Variants in KIF12 observed in about 807,000 individuals in gnomAD.
KIF12 encodes kinesin-like protein KIF12.
Under a neutral mutation model 87.9 loss-of-function variants are expected in KIF12, and 80 were observed. The observed-to-expected ratio is 0.91, with a 90% CI of 0.76 to 1.10. The LOEUF (loss-of-function observed/expected upper bound fraction) is 1.10. Among genes scored for constraint, KIF12 ranks in the 50% least tolerant of loss-of-function variants. The probability of loss-of-function intolerance (pLI) is 0.00; values close to 1 mark genes in which losing one functional copy is unlikely to be tolerated. For synonymous variants in KIF12, 353 were observed against 348.5 expected (o/e 1.01, Z -0.14); for missense variants, 819 against 865.3 (o/e 0.95, Z 0.67).
chr9:114,096,157 C>G lies in KIF12; in HGVS notation c.789G>C (p.Lys263Asn). The G allele has an allele frequency of 6.2e-7, 1 of 1,614,016 alleles. No individual in the cohort carries two copies. The change falls in exon 9 of 19, where the codon AAG becomes AAC. Residue 263 changes from lysine (K) to asparagine (N), a missense_variant. Physicochemically the swap from Lys to Asn is moderately conservative, Grantham distance 94. Coordinates refer to ENST00000640217, the MANE Select transcript of KIF12 (RefSeq NM_001388308.1). ...TGCCTGCCAGGTCCACAAAGCACAG[C>G]TTCCCACCAACAGGGGGCTCCCCAG... ...VDPGEPPVGG[K>N]LCFVDLAGSE...
At chr9:114,092,133 T>G in intron 18 of KIF12, 133 bp from the exon 19 acceptor site, 2 of 540,790 alleles carry the variant, frequency 3.7e-6, no homozygotes, top group Non-Finnish European at 6.0e-6. Context: ...CCCACCCCCA[T>G]ACACCATGGG....
chr9:114,098,035 A>G (rs1847309112), intron 5 of KIF12, 80 bp downstream of exon 5: 1 of 1,353,380 alleles, frequency 7.4e-7, no homozygotes, highest in East Asian at 2.5e-5. Flanking sequence ...TCCCTCTGGG[A>G]GTCTGCGCCG....
chr9:114,098,890 T>C (rs1365822224), intron 3 of KIF12, 45 bp downstream of exon 3: 5 of 1,533,112 alleles, frequency 3.3e-6, no homozygotes, highest in Non-Finnish European at 4.4e-6. Context: ...GGATCTGGCG[T>C]CCCCGGGATT....
rs760573775 is a variant in KIF12, at chr9:114,098,112, C to T, written c.375+3G>A. On this transcript the variant is annotated splice_donor_region_variant and intron_variant, in intron 5 of 18. Coordinates refer to ENST00000640217, the MANE Select transcript of KIF12 (RefSeq NM_001388308.1). The stretch of plus-strand genomic sequence containing the variant: ...CGCGGGGGCGCCGCCGGCGCTCGCT[C>T]ACCTGGGGAGGGGGTCCAGTCAGGG... 2.0e-4 allele frequency: 306 copies of T among 1,546,598 alleles called. No homozygotes were observed. The highest frequency in any genetic ancestry group is 1.2e-3 in the Middle Eastern group (6 of 4,924).
At chr9:114,097,539 C>A in intron 6 of KIF12, 68 bp downstream of exon 6, 1 of 1,600,250 alleles carries the variant, frequency 6.2e-7, no homozygotes, top group Middle Eastern at 1.7e-4. Context: ...GTCCTTTGAT[C>A]CAGGCTCCCT....
At chr9:114,096,943 G>C (rs555548349) in intron 7 of KIF12, among the ~76,000 whole-genome samples, 3 of 152,338 alleles carry the variant, frequency 2.0e-5, no homozygotes, top group African/African-American at 7.2e-5. Flanking sequence ...GAAGGGTGGA[G>C]GGTCTGGAGG....
At chr9:114,094,095 G>A (rs1404661028) in intron 13 of KIF12, 86 bp downstream of exon 13, 3 of 1,462,574 alleles carry the variant, frequency 2.1e-6, no homozygotes, top group Non-Finnish European at 2.9e-6. Context: ...GGGAGCCAGG[G>A]GCAGGGAGAG....
At position 114,098,364 on chromosome 9, in the gene KIF12, G is replaced by A. The variant is rs1246561083; in HGVS notation, c.237C>T (p.Arg79=). 6.0e-6 allele frequency: 9 copies of A among 1,498,940 alleles called. No individual in the cohort carries two copies. The East Asian group carries it at 2.5e-4, about 42-fold the overall frequency. 92.9% of individuals were successfully genotyped at this position (1,498,940 alleles called of 1,614,324 possible). ...ACGCCCGGAACACGTCCTCCTGCGT[G>A]CGCGCCGCGTCTAGCACCGCACCGA... ...FRFGAVLDAA[R]TQEDVFRACG... Residue 79 remains arginine, a synonymous_variant, in exon 4 of 19, where the codon CGC becomes CGT. Transcript: ENST00000640217.
intron 5 of KIF12, 56 bp from the exon 6 acceptor site, chr9:114,097,797 T>C (rs1196273274): frequency 2.6e-6 from 4 of 1,563,082 alleles, no homozygotes; most frequent in Non-Finnish European, 3.5e-6. Flanking sequence ...CTACCCTCTG[T>C]AGCGCATGTA....
At chr9:114,098,480 C>A (rs1156767979) in intron 3 of KIF12, 51 bp from the exon 4 acceptor site, 10 of 1,372,936 alleles carry the variant, frequency 7.3e-6, no homozygotes, top group Admixed American at 5.9e-5. Flanking sequence ...GGGCGGGGCA[C>A]CCTGGAGGGG....
rs1216081600 is a variant in KIF12, at chr9:114,093,742, G to A, written c.1400+144C>T. On this transcript the variant is annotated intron_variant, in intron 14 of 18. Coordinates refer to ENST00000640217, the MANE Select transcript of KIF12 (RefSeq NM_001388308.1). ...AGAAGTTAAATGACTTGCCCCAGGT[G>A]ACACAGCTAGTAGGTGGCAGAGCTG... is the stretch of plus-strand genomic sequence containing the variant. 8.3e-6 allele frequency: 6 copies of A among 719,850 alleles called. No individual in the cohort carries two copies. The Admixed American group carries it at 1.5e-4, about 18-fold the overall frequency. The allele number at this position is 719,850 out of a possible 1,614,324, so 44.6% of individuals were successfully genotyped here.
Position 114,096,046 on chromosome 9 carries a change from C to A in KIF12, c.895+5G>T. ...GAAATCACACCGGTGGCCCCCAGGT[C>A]TCACCCAGGGCCAGCAGGCTTCGGT... On this transcript the variant is annotated splice_donor_5th_base_variant and intron_variant, in intron 9 of 18. Transcript: ENST00000640217. 6.2e-7 allele frequency: 1 copy of A among 1,606,634 alleles called. No homozygotes were observed. Among genetic ancestry groups the A allele is most frequent in the African/African-American group, 1.3e-5 (1 of 74,924 alleles).
Position 114,098,167 on chromosome 9 carries a change from A to G in KIF12, c.323T>C (p.Phe108Ser). The G allele has an allele frequency of 6.5e-7, 1 of 1,548,562 alleles. No homozygotes were observed. The highest frequency in any genetic ancestry group is 8.7e-7 in the Non-Finnish European group (1 of 1,146,378). ...GGTCTTCCCAGAGCCCGTCTGGCCAAAGGTGAAAACAGTGCAGGAGAAACT... is the reference window on the plus strand; with the variant it reads ...GGTCTTCCCAGAGCCCGTCTGGCCAGAGGTGAAAACAGTGCAGGAGAAACT... Reference protein sequence around the residue: ...LRGFSCTVFTFGQTGSGKTYT... With the variant: ...LRGFSCTVFTSGQTGSGKTYT... The change falls in exon 5 of 19, where the codon TTT becomes TCT. Residue 108 changes from phenylalanine to serine, a missense_variant. Transcript: ENST00000640217.
At chr9:114,099,075 C>T (rs1333239929) in intron 2 of KIF12, 29 bp downstream of exon 2, 2 of 1,550,332 alleles carry the variant, frequency 1.3e-6, no homozygotes, top group Non-Finnish European at 1.7e-6. Context: ...TTGTCTCGCC[C>T]AGGTGCCTCC....
At chr9:114,096,997 A>C (rs1444972437) in intron 7 of KIF12, among the ~76,000 whole-genome samples, 1 of 152,200 alleles carries the variant, frequency 6.6e-6, no homozygotes, top group African/African-American at 2.4e-5. Flanking sequence ...ATGGATGGGC[A>C]GGGGAGAGCC....
intron 7 of KIF12, among the ~76,000 whole-genome samples, chr9:114,097,098 G>A (rs139139312): frequency 3.7e-4 from 56 of 152,330 alleles, no homozygotes; most frequent in African/African-American, 1.3e-3. Context: ...AAGGAGTTTG[G>A]AAGGCAGAAT....
At chr9:114,097,176 T>C in intron 7 of KIF12, 125 bp downstream of exon 7, 1 of 1,300,242 alleles carries the variant, frequency 7.7e-7, no homozygotes, top group Non-Finnish European at 1.0e-6. Context: ...TTACTGGTCC[T>C]TCCCCACCTC....
In KIF12 at chr9:114,095,347, C is replaced by A; in HGVS notation, c.896-15G>T. On this transcript the variant is annotated splice_polypyrimidine_tract_variant and intron_variant, in intron 9 of 18. Transcript: ENST00000640217. ...GATGCAGTGACCTGGGGAGGGAGAG[C>A]AAGAGTTAGGAAGGTTACATCACTT... The A allele has an allele frequency of 6.2e-7, 1 of 1,609,814 alleles. No homozygotes were observed. Among genetic ancestry groups the A allele is most frequent in the Non-Finnish European group, 8.5e-7 (1 of 1,178,874 alleles).
At chr9:114,096,576 C>T in intron 7 of KIF12, 98 bp from the exon 8 acceptor site, 1 of 1,053,688 alleles carries the variant, frequency 9.5e-7, no homozygotes, top group Non-Finnish European at 1.4e-6. Flanking sequence ...AAGGGTCAGC[C>T]TCATGCAAAG....
Sources: allele counts gnomAD v4.1 joint callset (sites outside exome capture counted in the v4.1 genomes callset), GRCh38; gene constraint gnomAD v4.1.1; transcripts MANE v1.5; gene names NCBI Gene and HGNC (gene_info 2026-07-23, HGNC 2026-07-21).